Variants in DST observed in about 807,000 individuals in gnomAD.
DST encodes the protein bullous pemphigoid antigen.
A neutral mutation model predicts 875.2 loss-of-function variants in DST; 253 were observed. That is an observed-to-expected ratio of 0.29 (90% CI 0.26 to 0.32). The LOEUF (loss-of-function observed/expected upper bound fraction) is 0.32. Among genes scored for constraint, DST ranks in the 10% least tolerant of loss-of-function variants. The pLI, the probability that DST is intolerant of heterozygous loss-of-function variation, is 1.00. For missense variants in DST, 8,287 were observed against 9,111.6 expected (o/e 0.91, Z 3.68); for synonymous variants, 3,124 against 3,197.1 (o/e 0.98, Z 0.77).
chr6:56,718,467 A>G (rs2099402657), intron 5 of DST, among the ~76,000 whole-genome samples: 1 of 152,258 alleles, frequency 6.6e-6, no homozygotes, highest in South Asian at 2.1e-4. Context: ...GGAAAGGTGA[A>G]ATGATGCAAC....
At chr6:56,615,409 A>G (rs1414249838) in intron 36 of DST, 15 of 1,566,956 alleles carry the variant, frequency 9.6e-6, no homozygotes, top group Admixed American at 1.9e-5. Context: ...GAAATAGAGT[A>G]TGTTACATAA....
Position 56,877,086 on chromosome 6 carries a change from AC to A in DST, c.417+23334del, listed in dbSNP as rs557760654. Among the ~76,000 whole-genome samples the A allele has an allele frequency of 5.1e-4, 78 of 152,354 alleles. 2 individuals carry two copies. The East Asian group carries it at 7.5e-3, about 15-fold the overall frequency. On this transcript the variant is annotated intron_variant, in intron 3 of 103. Transcript: ENST00000680361. The stretch of plus-strand genomic sequence containing the variant: ...ATAAGAAGCAAATAATGCTAAAAAA[AC>A]ATTTGGCCTAAAAGGCTCTTACCTA...
At chr6:56,616,038 G>C in intron 36 of DST, 1 of 1,614,206 alleles carries the variant, frequency 6.2e-7, no homozygotes, top group East Asian at 2.2e-5. Flanking sequence ...AGGCATCGGA[G>C]GGCAGTAATC....
At chr6:56,712,218 T>A (rs1292802570) in intron 5 of DST, among the ~76,000 whole-genome samples, 1 of 152,188 alleles carries the variant, frequency 6.6e-6, no homozygotes, top group African/African-American at 2.4e-5. Flanking sequence ...TCCTCCTAGC[T>A]CATTACTTAT....
At chr6:56,892,970 T>C (rs1267206891) in intron 3 of DST, among the ~76,000 whole-genome samples, 1 of 152,242 alleles carries the variant, frequency 6.6e-6, no homozygotes, top group African/African-American at 2.4e-5. Flanking sequence ...TTCATCCTCA[T>C]GACTCTATAT....
At chr6:56,745,918 T>C (rs1202814644) in intron 4 of DST, among the ~76,000 whole-genome samples, 1 of 152,250 alleles carries the variant, frequency 6.6e-6, no homozygotes, top group Non-Finnish European at 1.5e-5. Context: ...TAATGCTGAA[T>C]GCAGAGAAAT....
intron 4 of DST, among the ~76,000 whole-genome samples, chr6:56,780,639 T>C (rs1188483644): frequency 2.0e-5 from 3 of 151,992 alleles, no homozygotes; most frequent in African/African-American, 7.3e-5. Flanking sequence ...CTTTGTCAGA[T>C]GAGTAGGTTG....
At chr6:56,554,073 C>CTTTTTT (rs555704557) in intron 60 of DST, among the ~76,000 whole-genome samples, 20 of 80,822 alleles carry the variant, frequency 2.5e-4, no homozygotes, top group Non-Finnish European at 3.9e-4. Flanking sequence ...GCGTCTATGA[C>CTTTTTT]TTTTTTTTTT....
chr6:56,824,192 G>A (rs1454435181), intron 4 of DST, among the ~76,000 whole-genome samples: 1 of 152,156 alleles, frequency 6.6e-6, no homozygotes, highest in Non-Finnish European at 1.5e-5. Flanking sequence ...TATTTTTTTG[G>A]TGGAGACAGG....
rs557888570 is a variant in DST at position 56,509,806 on chromosome 6, G to A, written c.18848C>T (p.Pro6283Leu). The A allele has an allele frequency of 4.3e-6, 7 of 1,613,554 alleles. No homozygotes were observed. The highest frequency in any genetic ancestry group is 5.9e-6 in the Non-Finnish European group (7 of 1,179,718). The stretch of plus-strand genomic sequence containing the variant: ...CTTCTCAACCTCTGCAGAGATAGAG[G>A]GTGGCTGCCTCAGACGTTCCACGAT... ...ERIVERLRQP[P>L]SISAEVEKIK... The change falls in exon 74 of 104, where the codon CCC becomes CTC. Residue 6283 changes from proline (P) to leucine (L), a missense_variant. Pro to Leu is a moderately conservative substitution (Grantham distance 98). Transcript: ENST00000680361.
chr6:56,553,961 G>T (rs549318059), intron 60 of DST, among the ~76,000 whole-genome samples: 2 of 152,072 alleles, frequency 1.3e-5, no homozygotes, highest in East Asian at 3.9e-4. Flanking sequence ...CACATCGCCT[G>T]CTGTGCTGGT....
At chr6:56,769,683 G>A (rs957109839) in intron 4 of DST, among the ~76,000 whole-genome samples, 1 of 152,230 alleles carries the variant, frequency 6.6e-6, no homozygotes, top group Admixed American at 6.5e-5. Flanking sequence ...CACGTGTAGT[G>A]GCAGGGACCT....
chr6:56,591,639 C>T (rs987319334), intron 49 of DST, among the ~76,000 whole-genome samples: 1 of 152,044 alleles, frequency 6.6e-6, no homozygotes, highest in Non-Finnish European at 1.5e-5. Context: ...GATGGAGGGG[C>T]ACGTCACAAG....
At chr6:56,943,477 G>C (rs980258641) in intron 2 of DST, among the ~76,000 whole-genome samples, 2 of 147,958 alleles carry the variant, frequency 1.4e-5, no homozygotes, top group African/African-American at 2.5e-5. Flanking sequence ...GCCCAGGCTG[G>C]AGTGCAATGG....
At chr6:56,466,243 A>G in intron 98 of DST, 48 bp from the exon 99 acceptor site, 4 of 1,333,994 alleles carry the variant, frequency 3.0e-6, no homozygotes, top group Non-Finnish European at 4.1e-6. Flanking sequence ...TAATAATTCT[A>G]AACTACAGGA....
At chr6:56,692,871 A>G in intron 9 of DST, 1 of 1,289,744 alleles carries the variant, frequency 7.8e-7, no homozygotes, top group South Asian at 1.2e-5. Flanking sequence ...GCTGAATACC[A>G]TCTCCCAGTG....
intron 3 of DST, among the ~76,000 whole-genome samples, chr6:56,863,479 C>T (rs1039086706): frequency 1.3e-5 from 2 of 152,158 alleles, no homozygotes; most frequent in African/African-American, 4.8e-5. Context: ...GTGCCCATCA[C>T]AGGGCAGTTA....
rs776252479 is a variant in DST at position 56,620,536 on chromosome 6, C to T, written c.4929+3994G>A. ...GCTTTCTCAATTCATTTTCTGCAGC[C>T]TCCCTGACCTTCGGAAGTTCTTCCT... On this transcript the variant is annotated intron_variant, in intron 36 of 103. Coordinates refer to ENST00000680361, the MANE Select transcript of DST (RefSeq NM_001374736.1). The T allele has an allele frequency of 3.7e-6, 6 of 1,614,024 alleles. No individual in the cohort carries two copies. Among genetic ancestry groups the T allele is most frequent in the South Asian group, 3.3e-5 (3 of 91,080 alleles).
At position 56,552,567 on chromosome 6, in the gene DST, C is replaced by T. The variant is rs558481224; in HGVS notation, c.16225G>A (p.Ala5409Thr). ...GTTTCTGCATCTCTCCCCACTGGAG[C>T]CATGCTATCCAGTTCATCATCAAAC... Reference protein sequence around the residue: ...AEFDDELDSMAPVGRDAETLQ... With the variant: ...AEFDDELDSMTPVGRDAETLQ... Residue 5409 changes from alanine (A) to threonine (T), a missense_variant, in exon 61 of 104, where the codon GCT becomes ACT. Physicochemically the swap from Ala to Thr is moderately conservative, Grantham distance 58 (BLOSUM62 0). Transcript: ENST00000680361. The T allele has an allele frequency of 1.2e-6, 2 of 1,614,014 alleles. No individual in the cohort carries two copies. The highest frequency in any genetic ancestry group is 1.1e-5 in the South Asian group (1 of 91,080).
Sources: allele counts gnomAD v4.1 joint callset (sites outside exome capture counted in the v4.1 genomes callset), GRCh38; gene constraint gnomAD v4.1.1; transcripts MANE v1.5; gene names NCBI Gene and HGNC (gene_info 2026-07-23, HGNC 2026-07-21).